SHROOM3: variants seen among roughly 807,000 people sequenced by gnomAD.
SHROOM3 encodes shroom family member 3.
Under a neutral mutation model 138.6 loss-of-function variants are expected in SHROOM3, and 47 were observed. The ratio of observed to expected loss-of-function variants is 0.34; its 90% CI spans 0.27 to 0.43. The LOEUF (loss-of-function observed/expected upper bound fraction) is 0.43. SHROOM3 is among the 20% of genes least tolerant of loss of function. SHROOM3 has a pLI of 1.00. For synonymous variants in SHROOM3, 1,062 were observed against 1,063.3 expected (o/e 1.00, Z 0.02); for missense variants, 2,491 against 2,596.5 (o/e 0.96, Z 0.88).
At chr4:76,778,136 T>C (rs1024054010) in intron 10 of SHROOM3, among the ~76,000 whole-genome samples, 3 of 152,148 alleles carry the variant, frequency 2.0e-5, no homozygotes, top group Non-Finnish European at 4.4e-5. Flanking sequence ...TTTCTAACAA[T>C]TTCCCAGGTG....
chr4:76,556,589 C>T (rs902883810), intron 2 of SHROOM3, among the ~76,000 whole-genome samples: 11 of 152,308 alleles, frequency 7.2e-5, no homozygotes, highest in Admixed American at 3.9e-4. Flanking sequence ...ACCTGCTAAG[C>T]GCTAGGCCCA....
chr4:76,652,019 A>AG (rs1004855448), intron 2 of SHROOM3, among the ~76,000 whole-genome samples: 3 of 152,158 alleles, frequency 2.0e-5, no homozygotes, highest in Non-Finnish European at 4.4e-5. Context: ...AAGCTACCTA[A>AG]GGGGCCCAGG....
chr4:76,560,178 C>T (rs796669623), intron 2 of SHROOM3, among the ~76,000 whole-genome samples: 2 of 152,046 alleles, frequency 1.3e-5, no homozygotes, highest in African/African-American at 4.8e-5. Flanking sequence ...CTGGTAGATA[C>T]GTGTAAAATA....
intron 2 of SHROOM3, among the ~76,000 whole-genome samples, chr4:76,574,402 G>A (rs1346681077): frequency 6.6e-6 from 1 of 152,066 alleles, no homozygotes; most frequent in Admixed American, 6.5e-5. Context: ...GGGAACTCTG[G>A]AGTTTGAGCC....
Position 76,590,877 on chromosome 4 carries a change from T to C in SHROOM3, c.323+35114T>C, listed in dbSNP as rs370804724. 6.7e-4 allele frequency among the ~76,000 whole-genome samples: 102 copies of C among 152,236 alleles called. 1 individual carries two copies. The highest frequency in any genetic ancestry group is 2.4e-3 in the African/African-American group (99 of 41,542). The stretch of plus-strand genomic sequence containing the variant: ...GCGATCCTGTCGGCAGCTGCATTTT[T>C]CCCCCTCTGTAATAATGTGAGCTTT... On this transcript the variant is annotated intron_variant, in intron 2 of 10. Coordinates refer to ENST00000296043, the MANE Select transcript of SHROOM3 (RefSeq NM_020859.4).
At chr4:76,738,628 A>G (rs1721151417) in intron 4 of SHROOM3, 133 bp from the exon 5 acceptor site, 1 of 996,160 alleles carries the variant, frequency 1.0e-6, no homozygotes, top group East Asian at 2.4e-5. Flanking sequence ...AGGCCCAAAT[A>G]TGGCCCTTTT....
At chr4:76,723,764 A>ATCATAAAG (rs1381401637) in intron 3 of SHROOM3, among the ~76,000 whole-genome samples, 1 of 152,192 alleles carries the variant, frequency 6.6e-6, no homozygotes, top group African/African-American at 2.4e-5. Context: ...CCTCATTAAT[A>ATCATAAAG]GTCCTGTATC....
chr4:76,748,905 A>G, intron 5 of SHROOM3, 112 bp from the exon 6 acceptor site: 1 of 951,684 alleles, frequency 1.1e-6, no homozygotes, highest in African/African-American at 1.6e-5. Flanking sequence ...GTGGCCTGAC[A>G]ATAGTAGGTT....
intron 2 of SHROOM3, among the ~76,000 whole-genome samples, chr4:76,678,527 CTT>C (rs1217455236): frequency 1.3e-5 from 2 of 152,090 alleles, no homozygotes; most frequent in Non-Finnish European, 2.9e-5. Context: ...GTAGTCAAGA[CTT>C]TATATACCAA....
chr4:76,754,752 T>A lies in SHROOM3; in HGVS notation c.4269T>A (p.Pro1423=), dbSNP rs1721747045. ...EEGTRKRVSL[P]QWPPPSRAKW... The stretch of plus-strand genomic sequence containing the variant: ...GAACGAGGAAGAGGGTCTCGCTGCC[T>A]CAGTGGCCACCTCCTTCTCGAGCAA... Residue 1423 remains proline, a synonymous_variant, in exon 7 of 11, where the codon CCT becomes CCA. Coordinates refer to ENST00000296043, the MANE Select transcript of SHROOM3 (RefSeq NM_020859.4). 1 of 1,614,028 alleles carries A rather than the reference T, an allele frequency of 6.2e-7. No homozygotes were observed. Among genetic ancestry groups the A allele is most frequent in the African/African-American group, 1.3e-5 (1 of 74,930 alleles).
intron 1 of SHROOM3, among the ~76,000 whole-genome samples, chr4:76,498,933 A>C (rs918389811): frequency 2.0e-5 from 3 of 152,200 alleles, no homozygotes; most frequent in Non-Finnish European, 2.9e-5. Context: ...TGTGCGATGG[A>C]AACTGAGAAC....
intron 4 of SHROOM3, among the ~76,000 whole-genome samples, chr4:76,731,949 T>G (rs961699866): frequency 2.0e-5 from 3 of 152,202 alleles, no homozygotes; most frequent in Non-Finnish European, 4.4e-5. Context: ...AGCTACTGTT[T>G]GTTGTATGGG....
At chr4:76,752,315 A>G (rs534172432) in intron 6 of SHROOM3, among the ~76,000 whole-genome samples, 1 of 152,324 alleles carries the variant, frequency 6.6e-6, no homozygotes, top group South Asian at 2.1e-4. Flanking sequence ...ATGGGGAGTT[A>G]TTATTTAGTG....
At chr4:76,709,749 TG>T in intron 2 of SHROOM3, 1 of 272,904 alleles carries the variant, frequency 3.7e-6, no homozygotes, top group Admixed American at 5.1e-5. Flanking sequence ...AGAAGTGAGG[TG>T]GCAGAGGCTT....
At chr4:76,714,126 A>G (rs1720307879) in intron 3 of SHROOM3, among the ~76,000 whole-genome samples, 1 of 152,204 alleles carries the variant, frequency 6.6e-6, no homozygotes, top group Non-Finnish European at 1.5e-5. Context: ...CACCCTTTAT[A>G]ACCGTAGTAC....
chr4:76,703,700 A>G (rs1235072948), intron 2 of SHROOM3, among the ~76,000 whole-genome samples: 5 of 152,360 alleles, frequency 3.3e-5, no homozygotes, highest in Non-Finnish European at 7.3e-5. Flanking sequence ...GGCTAACTTC[A>G]TGGATGAAGG....
chr4:76,467,393 G>T (rs10030544), intron 1 of SHROOM3, among the ~76,000 whole-genome samples: 2,109 of 152,158 alleles, frequency 0.014, 50 homozygotes, highest in African/African-American at 0.048. Flanking sequence ...TTAGATAAGT[G>T]AAATAAGCTG....
At position 76,688,340 on chromosome 4, in the gene SHROOM3, C is replaced by G. The variant is rs919924040; in HGVS notation, c.324-21816C>G. On this transcript the variant is annotated intron_variant, in intron 2 of 10. Coordinates refer to ENST00000296043, the MANE Select transcript of SHROOM3 (RefSeq NM_020859.4). ...CCATGGCTGCTAATGCTCCTGCATT[C>G]TGTCAGGATATAAGAGCACAGACAA... 3 of 959,922 alleles carry G rather than the reference C, an allele frequency of 3.1e-6. No homozygotes were observed. The Admixed American group carries it at 1.8e-4, about 59-fold the overall frequency. The allele number at this position is 959,922 out of a possible 1,614,324, so 59.5% of individuals were successfully genotyped here.
intron 2 of SHROOM3, among the ~76,000 whole-genome samples, chr4:76,695,272 C>T (rs1194156480): frequency 6.6e-6 from 1 of 152,274 alleles, no homozygotes; most frequent in Admixed American, 6.5e-5. Context: ...CTCCTTACCC[C>T]CAATGACTCC....
Sources: allele counts gnomAD v4.1 joint callset (sites outside exome capture counted in the v4.1 genomes callset), GRCh38; gene constraint gnomAD v4.1.1; transcripts MANE v1.5; gene names NCBI Gene and HGNC (gene_info 2026-07-23, HGNC 2026-07-21).